Variants in VPS13D observed in about 807,000 individuals in gnomAD.
VPS13D encodes the protein vacuolar protein sorting 13 homolog D.
VPS13D carries 187 observed loss-of-function variants against 461.9 expected under a neutral mutation model. That is an observed-to-expected ratio of 0.40 (90% CI 0.36 to 0.46). The LOEUF (loss-of-function observed/expected upper bound fraction) is 0.46, where lower values mean the gene tolerates loss of function less well. Among genes scored for constraint, VPS13D ranks in the 20% least tolerant of loss-of-function variants. The pLI is 0.60. For missense variants in VPS13D, 4,711 were observed against 5,364.9 expected, an observed-to-expected ratio of 0.88 and a Z score of 3.81; for synonymous variants, 1,951 against 1,986.3, an observed-to-expected ratio of 0.98 and a Z score of 0.47.
rs142010005 is a variant in VPS13D at position 12,275,036 on chromosome 1, T to A, written c.2237-789T>A. On this transcript the variant is annotated intron_variant, in intron 18 of 69. Coordinates refer to ENST00000620676, the MANE Select transcript of VPS13D (RefSeq NM_015378.4). Reference sequence around the variant, plus strand: ...GAGTTCGAGACCAGTCTGGCCAACATGGTGAAACCCTGTGTCTACTAAAAG... The same window carrying A: ...GAGTTCGAGACCAGTCTGGCCAACAAGGTGAAACCCTGTGTCTACTAAAAG... Among the ~76,000 whole-genome samples the A allele has an allele frequency of 9.1e-3, 1,388 of 152,156 alleles. 26 individuals are homozygous for A. Among genetic ancestry groups the A allele is most frequent in the African/African-American group, 0.032 (1,315 of 41,522 alleles).
intron 55 of VPS13D, among the ~76,000 whole-genome samples, chr1:12,374,539 C>A (rs1398981397): frequency 6.6e-6 from 1 of 152,130 alleles, no homozygotes; most frequent in Non-Finnish European, 1.5e-5. Flanking sequence ...TAGCCTTTTC[C>A]ACTGAGAAGT....
chr1:12,249,398 T>C, intron 6 of VPS13D, 59 bp downstream of exon 6: 1 of 1,427,218 alleles, frequency 7.0e-7, no homozygotes, highest in South Asian at 1.2e-5. Flanking sequence ...AATCTGGGGC[T>C]CTGCCTTTTG....
intron 44 of VPS13D, among the ~76,000 whole-genome samples, chr1:12,348,478 C>T (rs1230392328): frequency 2.6e-5 from 4 of 152,162 alleles, no homozygotes; most frequent in African/African-American, 7.2e-5. Context: ...TACCAAATTA[C>T]AGGAAGTTTG....
At chr1:12,380,909 A>T (rs1435358945) in intron 57 of VPS13D, among the ~76,000 whole-genome samples, 1 of 152,238 alleles carries the variant, frequency 6.6e-6, no homozygotes, top group Non-Finnish European at 1.5e-5. Context: ...TTCAATTAGC[A>T]ATACAATTCA....
chr1:12,471,237 G>T (rs1645558685), intron 67 of VPS13D, among the ~76,000 whole-genome samples: 1 of 152,160 alleles, frequency 6.6e-6, no homozygotes, highest in Admixed American at 6.5e-5. Context: ...GGAGGCAGAG[G>T]TTGCAGTGAG....
chr1:12,324,233 T>C (rs1211015366), intron 35 of VPS13D, among the ~76,000 whole-genome samples: 1 of 152,116 alleles, frequency 6.6e-6, no homozygotes, highest in Non-Finnish European at 1.5e-5. Context: ...TGAGGCCAGG[T>C]GCGGTGGCTC....
chr1:12,429,402 C>T (rs907033438), intron 65 of VPS13D, among the ~76,000 whole-genome samples: 2 of 152,030 alleles, frequency 1.3e-5, no homozygotes, highest in African/African-American at 2.4e-5. Flanking sequence ...AAGTGATTCT[C>T]CTGCCTCAGC....
chr1:12,476,496 C>T (rs1237769661), intron 67 of VPS13D, among the ~76,000 whole-genome samples: 5 of 152,164 alleles, frequency 3.3e-5, no homozygotes, highest in Non-Finnish European at 7.3e-5. Context: ...ATGTAACCTG[C>T]GTGATCATGT....
chr1:12,416,601 G>A lies in VPS13D; in HGVS notation c.12166-59G>A, dbSNP rs1273657671. 6.5e-5 allele frequency: 100 copies of A among 1,541,202 alleles called. 2 individuals carry two copies. The South Asian group carries it at 8.6e-4, about 13-fold the overall frequency. On this transcript the variant is annotated intron_variant, in intron 64 of 69. Coordinates refer to ENST00000620676, the MANE Select transcript of VPS13D (RefSeq NM_015378.4). ...TCTAAGCTCTTCGCTTGGGACACTG[G>A]TATCTGCAAATATAAGTAGATGCTG... is the stretch of plus-strand genomic sequence containing the variant.
chr1:12,356,425 A>C lies in VPS13D; in HGVS notation c.9899A>C (p.Asn3300Thr), dbSNP rs752345313. The C allele has an allele frequency of 6.2e-7, 1 of 1,614,024 alleles. No individual in the cohort carries two copies. Among genetic ancestry groups the C allele is most frequent in the Non-Finnish European group, 8.5e-7 (1 of 1,179,992 alleles). The change falls in exon 49 of 70, where the codon AAT becomes ACT. Residue 3300 changes from asparagine to threonine, a missense_variant. This residue lies in a region of VPS13D where 4,411 missense variants were observed against 4,937.8 expected (regional missense o/e 0.89). Coordinates refer to ENST00000620676, the MANE Select transcript of VPS13D (RefSeq NM_015378.4). ...TGLPLIFRQD[N>T]AKTDAAGQFE... The stretch of plus-strand genomic sequence containing the variant: ...TTGCCACTGATCTTCAGACAGGACA[A>C]TGCCAAGACAGATGCTGCAGGCCAG...
chr1:12,338,561 T>G (rs1337819621), intron 40 of VPS13D, among the ~76,000 whole-genome samples: 3 of 152,158 alleles, frequency 2.0e-5, no homozygotes, highest in Admixed American at 6.5e-5. Context: ...TGCAGAAATA[T>G]GTTAATACAA....
At chr1:12,305,694 C>G (rs764033426) in intron 26 of VPS13D, among the ~76,000 whole-genome samples, 35 of 152,272 alleles carry the variant, frequency 2.3e-4, no homozygotes, top group Non-Finnish European at 4.1e-4. Context: ...CTGCAAAGAT[C>G]AGTCCAGTGT....
Position 12,363,720 on chromosome 1 carries a change from C to T in VPS13D, c.10448+473C>T, listed in dbSNP as rs181766914. ...CTGTAATCCTAGCACTTTGGGAGGC[C>T]GAGGCAGGCGGATCACGAGGTCAAG... On this transcript the variant is annotated intron_variant, in intron 52 of 69. Transcript: ENST00000620676. Among the ~76,000 whole-genome samples the T allele has an allele frequency of 4.9e-3, 744 of 151,892 alleles. 5 individuals carry two copies. Among genetic ancestry groups the T allele is most frequent in the African/African-American group, 0.017 (702 of 41,430 alleles).
At chr1:12,298,222 C>T (rs1010764155) in intron 24 of VPS13D, among the ~76,000 whole-genome samples, 1 of 152,142 alleles carries the variant, frequency 6.6e-6, no homozygotes, top group African/African-American at 2.4e-5. Context: ...AACGACTTAA[C>T]CAAGATAACC....
intron 55 of VPS13D, 58 bp downstream of exon 55, chr1:12,373,916 C>G (rs766773339): frequency 7.6e-7 from 1 of 1,318,970 alleles, no homozygotes; most frequent in Non-Finnish European, 1.1e-6. Context: ...GGACGGGACT[C>G]AGGATCACCC....
intron 33 of VPS13D, 141 bp downstream of exon 33, chr1:12,322,105 G>A (rs1053797944): frequency 2.4e-5 from 26 of 1,074,954 alleles, no homozygotes; most frequent in South Asian, 4.6e-5. Context: ...TTGCTCTGTC[G>A]CCCAGGCTGG....
chr1:12,456,685 C>A lies in VPS13D; in HGVS notation c.12466+555C>A, dbSNP rs1330410951. Among the ~76,000 whole-genome samples, 5 of 151,132 alleles carry A rather than the reference C, an allele frequency of 3.3e-5. 1 individual carries two copies. The highest frequency in any genetic ancestry group is 7.3e-5 in the African/African-American group (3 of 40,976). The stretch of plus-strand genomic sequence containing the variant: ...AGAAAAGGCTGACAACAGAGGAAAT[C>A]CTGTGTTGGCGTACCTGATAGCCTT... On this transcript the variant is annotated intron_variant, in intron 66 of 69. Transcript: ENST00000620676.
At chr1:12,345,543 G>A (rs750379049) in intron 43 of VPS13D, 34 bp downstream of exon 43, 53 of 1,591,388 alleles carry the variant, frequency 3.3e-5, no homozygotes, top group Middle Eastern at 1.7e-4. Context: ...ATGGTTAAGC[G>A]ACTGTCAGGA....
chr1:12,403,798 G>GT, intron 62 of VPS13D, 27 bp from the exon 63 acceptor site: 3 of 1,554,142 alleles, frequency 1.9e-6, no homozygotes, highest in Non-Finnish European at 1.7e-6. Context: ...ATTCTTTTTT[G>GT]TTTTTTTAAT....
Sources: gnomAD v4.1 joint callset for allele counts (sites outside exome capture counted in the v4.1 genomes callset) on GRCh38, gnomAD v4.1.1 for gene constraint, gnomAD v4.1.1 regional missense constraint, MANE v1.5 for transcripts, NCBI Gene and HGNC (gene_info 2026-07-23, HGNC 2026-07-21) for gene names.